KRIT1: variants seen among roughly 807,000 people sequenced by gnomAD.
KRIT1 encodes KRIT1 ankyrin repeat containing.
A neutral mutation model predicts 95.8 loss-of-function variants in KRIT1; 45 were observed. The ratio of observed to expected loss-of-function variants is 0.47; its 90% CI spans 0.37 to 0.60. The LOEUF (loss-of-function observed/expected upper bound fraction) is 0.60, where lower values mean the gene tolerates loss of function less well. Ranked by LOEUF, KRIT1 falls within the 20% of genes least tolerant of loss-of-function variation. The probability of loss-of-function intolerance (pLI) is 0.00; values close to 1 mark genes in which losing one functional copy is unlikely to be tolerated. For synonymous variants in KRIT1, 282 were observed against 278.8 expected (o/e 1.01, Z -0.11); for missense variants, 788 against 877.5 (o/e 0.90, Z 1.29).
chr7:92,200,842 T>C (rs1789978816), intron 18 of KRIT1, 38 bp from the exon 19 acceptor site: 2 of 1,391,826 alleles, frequency 1.4e-6, no homozygotes, highest in Non-Finnish European at 1.0e-6. Context: ...ATATAAAACA[T>C]GTAAGAATCT....
In KRIT1 at chr7:92,213,222, T is replaced by G. The variant is rs1237537840; in HGVS notation, c.1998A>C (p.Gly666=). 6.2e-7 allele frequency: 1 copy of G among 1,612,474 alleles called. No homozygotes were observed. Among genetic ancestry groups the G allele is most frequent in the Non-Finnish European group, 8.5e-7 (1 of 1,178,792 alleles). ...IPVYVGVNIK[G]LHLLNMETKA... is the part of the protein sequence containing the mutation. ...TAGTTTCCATGTTGAGGAGATGAAG[T>G]CCTTTTATATTCACTCCTACATACA... Residue 666 remains glycine (G), a synonymous_variant, in exon 17 of 19, where the codon GGA becomes GGC. Coordinates refer to ENST00000394505, the MANE Select transcript of KRIT1 (RefSeq NM_194454.3).
intron 14 of KRIT1, among the ~76,000 whole-genome samples, chr7:92,220,924 G>A (rs1379004620): frequency 1.3e-5 from 2 of 150,880 alleles, no homozygotes; most frequent in Admixed American, 1.3e-4. Context: ...TCTTGACCTC[G>A]TGATCCACCC....
chr7:92,223,053 C>G, intron 12 of KRIT1, 75 bp from the exon 13 acceptor site: 1 of 879,854 alleles, frequency 1.1e-6, no homozygotes, highest in East Asian at 2.5e-5. Context: ...TTTCCTTCAA[C>G]TTCATGTGCT....
intron 17 of KRIT1, among the ~76,000 whole-genome samples, chr7:92,210,529 A>C (rs1186600738): frequency 6.6e-6 from 1 of 152,250 alleles, no homozygotes; most frequent in African/African-American, 2.4e-5. Flanking sequence ...TACAGAAATC[A>C]AGTCAATATG....
intron 6 of KRIT1, 97 bp from the exon 7 acceptor site, chr7:92,236,639 A>C: frequency 1.2e-6 from 1 of 840,604 alleles, no homozygotes; most frequent in Non-Finnish European, 1.9e-6. Context: ...AAACTTGTTA[A>C]GTATAAAATA....
chr7:92,240,819 A>G (rs957785033), intron 5 of KRIT1, 174 bp downstream of exon 5: 2 of 615,616 alleles, frequency 3.2e-6, no homozygotes, highest in Non-Finnish European at 5.7e-6. Context: ...AAATTTGTCA[A>G]GTTACATCTT....
At chr7:92,239,699 T>G (rs929089136) in intron 5 of KRIT1, among the ~76,000 whole-genome samples, 1 of 151,390 alleles carries the variant, frequency 6.6e-6, no homozygotes, top group African/African-American at 2.4e-5. Context: ...ACAGATCATA[T>G]GCAGGAACTT....
chr7:92,223,071 A>C, intron 12 of KRIT1, 93 bp from the exon 13 acceptor site: 1 of 790,314 alleles, frequency 1.3e-6, no homozygotes, highest in Non-Finnish European at 2.1e-6. Context: ...GCTTTATTAT[A>C]GATTTCTAAC....
chr7:92,225,621 G>T, intron 12 of KRIT1, 99 bp downstream of exon 12: 1 of 750,790 alleles, frequency 1.3e-6, no homozygotes, highest in Non-Finnish European at 2.4e-6. Context: ...CAGTAAAGAA[G>T]CCATCTAATC....
At chr7:92,224,016 T>G (rs1029281612) in intron 12 of KRIT1, among the ~76,000 whole-genome samples, 1 of 152,186 alleles carries the variant, frequency 6.6e-6, no homozygotes, top group African/African-American at 2.4e-5. Flanking sequence ...AACATAAGGG[T>G]ACCTGTACTG....
chr7:92,226,474 C>T, intron 11 of KRIT1, 52 bp downstream of exon 11: 2 of 1,332,468 alleles, frequency 1.5e-6, no homozygotes, highest in Non-Finnish European at 2.2e-6. Flanking sequence ...AGTGTCATTA[C>T]TTGTTATTCA....
chr7:92,243,034 G>T (rs959998313), intron 3 of KRIT1, among the ~76,000 whole-genome samples: 2 of 152,132 alleles, frequency 1.3e-5, no homozygotes, highest in African/African-American at 4.8e-5. Flanking sequence ...TGGCCAGGCT[G>T]GTCTCAAACT....
At chr7:92,230,733 G>A (rs1344818646) in intron 10 of KRIT1, among the ~76,000 whole-genome samples, 1 of 152,144 alleles carries the variant, frequency 6.6e-6, no homozygotes, top group Non-Finnish European at 1.5e-5. Context: ...ATTTTTATGT[G>A]TATACCCTAT....
chr7:92,215,169 A>C (rs1462176910), intron 14 of KRIT1, among the ~76,000 whole-genome samples: 1 of 152,184 alleles, frequency 6.6e-6, no homozygotes, highest in African/African-American at 2.4e-5. Flanking sequence ...AGGTATACAA[A>C]AATTGGCAAA....
chr7:92,209,860 CAAGA>C (rs1792393030), intron 17 of KRIT1, among the ~76,000 whole-genome samples: 1 of 151,784 alleles, frequency 6.6e-6, no homozygotes, highest in Non-Finnish European at 1.5e-5. Context: ...GTCAGAAGTT[CAAGA>C]CCAGCCTGGC....
chr7:92,212,540 C>A lies in KRIT1; in HGVS notation c.2025+655G>T, dbSNP rs371064363. Among the ~76,000 whole-genome samples, 4 of 152,252 alleles carry A rather than the reference C, an allele frequency of 2.6e-5. 1 individual carries two copies. ...ATTCATGCCTTTATAAAAGGGACCCCAAGATAACTCCCTCATTCTTTCTGC... is the reference window on the plus strand; with the variant it reads ...ATTCATGCCTTTATAAAAGGGACCCAAAGATAACTCCCTCATTCTTTCTGC... On this transcript the variant is annotated intron_variant, in intron 17 of 18. Transcript: ENST00000394505.
chr7:92,234,754 A>C, intron 9 of KRIT1, 54 bp downstream of exon 9: 1 of 1,201,252 alleles, frequency 8.3e-7, no homozygotes, highest in South Asian at 1.2e-5. Flanking sequence ...ACAATACTTT[A>C]AATTAGAATG....
At chr7:92,225,848 G>A (rs781070141) in intron 11 of KRIT1, 21 bp from the exon 12 acceptor site, 1 of 1,204,518 alleles carries the variant, frequency 8.3e-7, no homozygotes, top group Non-Finnish European at 1.2e-6. Context: ...GGGTGGGGAG[G>A]GGGAAAAAAG....
intron 10 of KRIT1, among the ~76,000 whole-genome samples, chr7:92,228,086 C>T (rs1796567801): frequency 6.6e-6 from 1 of 151,948 alleles, no homozygotes; most frequent in East Asian, 1.9e-4. Context: ...AACTCCTGGG[C>T]TCAAATGATC....
Sources: allele counts gnomAD v4.1 joint callset (sites outside exome capture counted in the v4.1 genomes callset), GRCh38; gene constraint gnomAD v4.1.1; transcripts MANE v1.5; gene names NCBI Gene and HGNC (gene_info 2026-07-23, HGNC 2026-07-21).